DSC1: variants seen among roughly 807,000 people sequenced by gnomAD.
DSC1 encodes the protein desmocollin 1.
In DSC1, 79 loss-of-function variants were observed where a neutral mutation model predicts 98.8. The observed-to-expected ratio is 0.80, with a 90% CI of 0.67 to 0.96. The LOEUF (loss-of-function observed/expected upper bound fraction) is 0.96, where lower values mean the gene tolerates loss of function less well. Among genes scored for constraint, DSC1 ranks in the 50% least tolerant of loss-of-function variants. The pLI is 0.00. For synonymous variants in DSC1, 405 were observed against 372.1 expected (o/e 1.09, Z -1.02); for missense variants, 1,115 against 1,075.9 (o/e 1.04, Z -0.51).
chr18:31,132,277 A>G (rs1020669028), intron 14 of DSC1: 2 of 348,468 alleles, frequency 5.7e-6, no homozygotes, highest in African/African-American at 4.2e-5. Flanking sequence ...ATCCCTCCCC[A>G]GTTCCTTCAG....
At chr18:31,155,827 T>C (rs116381847) in intron 4 of DSC1, among the ~76,000 whole-genome samples, 2,011 of 152,258 alleles carry the variant, frequency 0.013, 44 homozygotes, top group African/African-American at 0.047. Flanking sequence ...AAACTCCAAA[T>C]ATAAAACTTG....
At position 31,162,538 on chromosome 18, in the gene DSC1, A is replaced by T. The variant is rs923961193; in HGVS notation, c.57T>A (p.Ser19=). The part of the protein sequence containing the change: ...GSIFCKQLLF[S]LLVLTLLCDA... ...TCCTTTGGTTGTTACTCACCAGGAG[A>T]GAGAAAAGGAGCTGCTTACAGAAGA... The change falls in exon 1 of 16, where the codon TCT becomes TCA. Residue 19 remains serine, a synonymous_variant. Coordinates refer to ENST00000257198, the MANE Select transcript of DSC1 (RefSeq NM_024421.2). 10 of 1,613,964 alleles carry T rather than the reference A, an allele frequency of 6.2e-6. No homozygotes were observed. Among genetic ancestry groups the T allele is most frequent in the African/African-American group, 2.7e-5 (2 of 74,908 alleles).
intron 5 of DSC1, among the ~76,000 whole-genome samples, chr18:31,152,334 G>T (rs1257387759): frequency 6.6e-6 from 1 of 152,106 alleles, no homozygotes; most frequent in African/African-American, 2.4e-5. Flanking sequence ...TGGAATTGTT[G>T]AAGAAAGTTC....
At position 31,130,469 on chromosome 18, in the gene DSC1, T is replaced by C. The variant is rs985862; in HGVS notation, c.*45A>G. On this transcript the variant is annotated 3_prime_UTR_variant, in exon 16 of 16. Transcript: ENST00000257198. ...CTGCTAACATTCTGCAAGTAATAAA[T>C]TCCTACTTATGCATCTGTGGATATT... 80,398 of 1,599,934 alleles carry C rather than the reference T, an allele frequency of 0.05. 3,723 individuals carry two copies. The highest frequency in any genetic ancestry group is 0.24 in the African/African-American group (18,115 of 74,418).
chr18:31,140,384 A>G (rs969097742), intron 9 of DSC1, 83 bp from the exon 10 acceptor site: 2 of 1,381,066 alleles, frequency 1.4e-6, no homozygotes, highest in Non-Finnish European at 1.9e-6. Context: ...ACAAAGGAAT[A>G]TCATTTTTAC....
chr18:31,155,036 C>T (rs1414645075), intron 4 of DSC1, 107 bp from the exon 5 acceptor site: 20 of 1,284,800 alleles, frequency 1.6e-5, no homozygotes, highest in Non-Finnish European at 1.5e-5. Flanking sequence ...TCCTACTCTC[C>T]TATTCTTTCT....
rs1988786486 is a variant in DSC1 at position 31,143,776 on chromosome 18, G to A, written c.955C>T (p.Gln319Ter). The change falls in exon 8 of 16, where the codon CAG becomes TAG. Residue 319 changes from glutamine (Q) to a stop codon, truncating the protein, a stop_gained. Transcript: ENST00000257198. LOFTEE classifies it high-confidence loss of function. ...FLDREKCDTY[Q>*]LIMEVRDMGG... ...ATGTCTCGCACTTCCATTATTAACT[G>A]GTAAGTATCACATTTCTGAAAAAAA... 2.5e-6 allele frequency: 4 copies of A among 1,588,012 alleles called. No homozygotes were observed. The highest frequency in any genetic ancestry group is 3.4e-6 in the Non-Finnish European group (4 of 1,168,322).
chr18:31,145,590 T>G, intron 7 of DSC1, 21 bp downstream of exon 7: 2 of 1,612,626 alleles, frequency 1.2e-6, no homozygotes, highest in Non-Finnish European at 1.7e-6. Context: ...AATGACTAGA[T>G]AGTTAATTAA....
rs1339144132 is a variant in DSC1, at chr18:31,134,634, G to A, written c.1814C>T (p.Pro605Leu). The change falls in exon 12 of 16, where the codon CCA becomes CTA. Residue 605 changes from proline to leucine, a missense_variant. Coordinates refer to ENST00000257198, the MANE Select transcript of DSC1 (RefSeq NM_024421.2). ...PVDPDGPENG[P>L]PFQFFLDNSA... ...ATTATCCAGAAAGAATTGAAAAGGT[G>A]GTCCATTTTCAGGTCCATCTGGATC... 6.2e-7 allele frequency: 1 copy of A among 1,612,676 alleles called. No individual in the cohort carries two copies. Among genetic ancestry groups the A allele is most frequent in the South Asian group, 1.1e-5 (1 of 90,914 alleles).
intron 4 of DSC1, 109 bp from the exon 5 acceptor site, chr18:31,155,038 A>T: frequency 7.8e-7 from 1 of 1,277,464 alleles, no homozygotes; most frequent in Non-Finnish European, 1.1e-6. Context: ...CTACTCTCCT[A>T]TTCTTTCTTT....
intron 5 of DSC1, 108 bp from the exon 6 acceptor site, chr18:31,148,750 A>T: frequency 9.2e-7 from 1 of 1,091,992 alleles, no homozygotes; most frequent in Non-Finnish European, 1.3e-6. Flanking sequence ...AATCATTCCC[A>T]AAGACCCGTA....
At chr18:31,160,262 G>C (rs1989185225) in intron 1 of DSC1, among the ~76,000 whole-genome samples, 1 of 151,964 alleles carries the variant, frequency 6.6e-6, no homozygotes, top group Non-Finnish European at 1.5e-5. Context: ...AATGTCTATA[G>C]GTTCAAAATA....
At position 31,160,581 on chromosome 18, in the gene DSC1, C is replaced by G. The variant is rs118067618; in HGVS notation, c.64-1052G>C. On this transcript the variant is annotated intron_variant, in intron 1 of 15. Transcript: ENST00000257198. ...TAATTTTACAAAAATCTATGTTAGG[C>G]AGAAATCTGGAATTAAAAGGCCACA... 1.1e-4 allele frequency among the ~76,000 whole-genome samples: 16 copies of G among 152,202 alleles called. No homozygotes were observed. The East Asian group carries it at 3.1e-3, about 29-fold the overall frequency.
intron 14 of DSC1, chr18:31,132,152 A>C (rs1297865728): frequency 2.5e-6 from 1 of 398,124 alleles, no homozygotes; most frequent in East Asian, 5.5e-5. Flanking sequence ...TATCCTTATA[A>C]AAAGGGGAAA....
rs147950972 is a variant in DSC1, at chr18:31,146,428, T to G, written c.773-651A>C. 8.8e-3 allele frequency among the ~76,000 whole-genome samples: 1,338 copies of G among 152,344 alleles called. 21 individuals carry two copies. Among genetic ancestry groups the G allele is most frequent in the African/African-American group, 0.031 (1,291 of 41,576 alleles). On this transcript the variant is annotated intron_variant, in intron 6 of 15. Transcript: ENST00000257198. Reference sequence around the variant, plus strand: ...GCAAAAGACATGATTTTATTCTTTTTTATGGCTGCATAGTATTCTATGGCA... The same window carrying G: ...GCAAAAGACATGATTTTATTCTTTTGTATGGCTGCATAGTATTCTATGGCA...
rs886666680 is a variant in DSC1, at chr18:31,130,406, A to G, written c.*108T>C. 8 of 1,238,750 alleles carry G rather than the reference A, an allele frequency of 6.5e-6. No individual in the cohort carries two copies. In the East Asian group the frequency reaches 9.3e-5, roughly 14 times the overall value. 76.7% of individuals were successfully genotyped at this position (1,238,750 alleles called of 1,614,324 possible). ...TTTATAGTACCCTTACCTATACATG[A>G]CAAAGTTTACCTCCATAAACAAAAA... On this transcript the variant is annotated 3_prime_UTR_variant, in exon 16 of 16. Transcript: ENST00000257198.
At chr18:31,150,315 C>T (rs1384897232) in intron 5 of DSC1, among the ~76,000 whole-genome samples, 4,048 of 64,968 alleles carry the variant, frequency 0.062, 507 homozygotes, top group East Asian at 0.14. Context: ...ACCACCACTA[C>T]TACCATCATC....
At chr18:31,132,793 A>C in intron 13 of DSC1, 104 bp from the exon 14 acceptor site, 2 of 1,078,278 alleles carry the variant, frequency 1.9e-6, no homozygotes, top group Non-Finnish European at 2.6e-6. Context: ...CATTCCACAA[A>C]TTGAGCTCTT....
In DSC1 at chr18:31,159,532, C is replaced by CAAA. The variant is rs35550730; in HGVS notation, c.64-6_64-4dup. ...GCATCGCAAAGTAATGTTAAAACCT[C>CAAA]AAAAAAAAAAAAAGAAAAAATATCA... is the stretch of plus-strand genomic sequence containing the variant. On this transcript the variant is annotated splice_region_variant and splice_polypyrimidine_tract_variant and intron_variant, in intron 1 of 15. Transcript: ENST00000257198. The CAAA allele has an allele frequency of 0.051, 68,934 of 1,364,200 alleles. 22 individuals carry two copies. The highest frequency in any genetic ancestry group is 0.073 in the East Asian group (2,778 of 38,048). 84.5% of individuals were successfully genotyped at this position (1,364,200 alleles called of 1,614,324 possible).
Sources: allele counts gnomAD v4.1 joint callset (sites outside exome capture counted in the v4.1 genomes callset), GRCh38; gene constraint gnomAD v4.1.1; transcripts MANE v1.5; gene names NCBI Gene and HGNC (gene_info 2026-07-23, HGNC 2026-07-21).